Variants in STAG3 observed in about 807,000 individuals in gnomAD.
The protein encoded by STAG3 is STAG3 cohesin complex component, also known as cohesin subunit SA-3.
A neutral mutation model predicts 160.7 loss-of-function variants in STAG3; 101 were observed. That is an observed-to-expected ratio of 0.63 (90% CI 0.54 to 0.74). The LOEUF is 0.74. Ranked by LOEUF, STAG3 falls within the 30% of genes least tolerant of loss-of-function variation. The pLI, the probability that STAG3 is intolerant of heterozygous loss-of-function variation, is 0.00. For synonymous variants in STAG3, 519 were observed against 585.0 expected, an observed-to-expected ratio of 0.89 and a Z score of 1.63; for missense variants, 1,188 against 1,517.4, an observed-to-expected ratio of 0.78 and a Z score of 3.61.
chr7:100,198,655 C>G, intron 13 of STAG3, 73 bp downstream of exon 13: 1 of 1,427,572 alleles, frequency 7.0e-7, no homozygotes. Flanking sequence ...TGCTGCCCTA[C>G]CTAAGGCTTC....
chr7:100,217,365 T>A (rs905771099), downstream of STAG3, among the ~76,000 whole-genome samples: 1 of 152,210 alleles, frequency 6.6e-6, no homozygotes, highest in African/African-American at 2.4e-5. Context: ...CTGGACGAGC[T>A]GAGGCCAGCT....
At chr7:100,204,828 T>C (rs1801484455) in intron 27 of STAG3, 53 bp downstream of exon 27, 1 of 1,605,362 alleles carries the variant, frequency 6.2e-7, no homozygotes. Flanking sequence ...AACGAGGTCT[T>C]GGAGGGAGGT....
downstream of STAG3, among the ~76,000 whole-genome samples, chr7:100,216,562 A>T (rs1802766224): frequency 6.6e-6 from 1 of 152,138 alleles, no homozygotes; most frequent in Non-Finnish European, 1.5e-5. Flanking sequence ...GCACTTTGGG[A>T]GGCCAAGGCG....
In STAG3 at chr7:100,198,921, C is replaced by A; in HGVS notation, c.1431C>A (p.Phe477Leu). 1 of 1,612,248 alleles carries A rather than the reference C, an allele frequency of 6.2e-7. No individual in the cohort carries two copies. The highest frequency in any genetic ancestry group is 8.5e-7 in the Non-Finnish European group (1 of 1,180,020). Residue 477 changes from phenylalanine to leucine, a missense_variant, in exon 14 of 34, where the codon TTC (phenylalanine) becomes TTA (leucine). Transcript: ENST00000615138. ...QRQSPGAQRTFFQLLLSFFVE... is the reference protein window; with the variant it reads ...QRQSPGAQRTLFQLLLSFFVE... ...AGAGCCCAGGCGCCCAGAGGACTTT[C>A]TTCCAGCTTCTGCTGTCCTTCTTTG...
chr7:100,183,528 A>G (rs1306041274), intron 4 of STAG3, among the ~76,000 whole-genome samples: 4 of 152,210 alleles, frequency 2.6e-5, no homozygotes, highest in Admixed American at 2.0e-4. Flanking sequence ...TTGAAGTTCT[A>G]ATACCCGAAA....
chr7:100,191,752 T>C (rs1800357252), intron 8 of STAG3, among the ~76,000 whole-genome samples: 1 of 152,214 alleles, frequency 6.6e-6, no homozygotes, highest in Admixed American at 6.5e-5. Flanking sequence ...AACAGTGAAG[T>C]TTGCTGCATC....
intron 8 of STAG3, among the ~76,000 whole-genome samples, chr7:100,190,638 A>G (rs755600992): frequency 6.6e-6 from 1 of 151,264 alleles, no homozygotes; most frequent in Admixed American, 6.6e-5. Flanking sequence ...CCTCCCCACT[A>G]TTTTCTTCTC....
chr7:100,184,540 T>G (rs1341974350), intron 4 of STAG3, among the ~76,000 whole-genome samples: 3 of 146,344 alleles, frequency 2.0e-5, no homozygotes, highest in African/African-American at 7.6e-5. Context: ...TGATCTTGGC[T>G]CACTGCAACC....
intron 14 of STAG3, 65 bp from the exon 15 acceptor site, chr7:100,199,197 A>G: frequency 8.8e-7 from 1 of 1,140,540 alleles, no homozygotes; most frequent in Non-Finnish European, 1.3e-6. Flanking sequence ...ATATTTAATC[A>G]GTAACCACTT....
rs751177012 is a variant in STAG3 at position 100,197,132 on chromosome 7, G to A, written c.942-24G>A. ...GTTTGGAGAGAGGGTGGCTCTAAGA[G>A]TCAACTTATCTGTCTGTGTCTAGGG... On this transcript the variant is annotated intron_variant, in intron 9 of 33. Transcript: ENST00000615138. The A allele has an allele frequency of 3.6e-5, 58 of 1,595,674 alleles. No individual in the cohort carries two copies. In the South Asian group the frequency reaches 6.0e-4, roughly 16 times the overall value.
At chr7:100,213,621 GCCTGCTGTGCCCATATTT>G in intron 32 of STAG3, 96 bp from the exon 33 acceptor site, 1 of 1,554,364 alleles carries the variant, frequency 6.4e-7, no homozygotes, top group Non-Finnish European at 8.7e-7. Flanking sequence ...TGCCATAGGG[GCCTGCTGTGCCCATATTT>G]GTTCTTATGA....
chr7:100,218,690 T>C (rs1802982849), downstream of STAG3: 1 of 373,652 alleles, frequency 2.7e-6, no homozygotes, highest in Non-Finnish European at 5.2e-6. Context: ...CTGGGGTTTA[T>C]GGGATGAAAG....
intron 32 of STAG3, chr7:100,213,356 G>T: frequency 3.0e-6 from 3 of 985,408 alleles, no homozygotes; most frequent in Non-Finnish European, 3.6e-6. Flanking sequence ...TCTCTTCTCT[G>T]CAGGGAAGGA....
Position 100,189,602 on chromosome 7 carries a change from G to C in STAG3, c.867+6G>C, listed in dbSNP as rs372735751. 1.9e-6 allele frequency: 3 copies of C among 1,606,518 alleles called. No individual in the cohort carries two copies. Among genetic ancestry groups the C allele is most frequent in the Non-Finnish European group, 2.5e-6 (3 of 1,177,806 alleles). ...TGTTGGAGAAACGCAAAGAGGTGAG[G>C]AGTGTTCCCTGCTTCTTCCTTCCCT... On this transcript the variant is annotated splice_donor_region_variant and intron_variant, in intron 8 of 33. Transcript: ENST00000615138.
intron 31 of STAG3, 122 bp from the exon 32 acceptor site, chr7:100,211,673 C>T: frequency 7.1e-7 from 1 of 1,402,940 alleles, no homozygotes. Flanking sequence ...CCTGTCAGCA[C>T]AATCGGGAAA....
chr7:100,186,271 T>G lies in STAG3; in HGVS notation c.408T>G (p.Phe136Leu). ...QDAGFLELVN[F>L]FIQSCGCKGI... ...CAGGATTTCTGGAGCTTGTTAACTT[T>G]TTCATCCAATCTTGCGGATGTAAAG... The change falls in exon 5 of 34, where the codon TTT becomes TTG. Residue 136 changes from phenylalanine (F) to leucine (L), a missense_variant. Around this residue, in one of 4 missense-constraint regions of STAG3, gnomAD observed 296 missense variants for 404.0 expected, o/e 0.73. Transcript: ENST00000615138. 1 of 1,614,164 alleles carries G rather than the reference T, an allele frequency of 6.2e-7. No individual in the cohort carries two copies. The highest frequency in any genetic ancestry group is 8.5e-7 in the Non-Finnish European group (1 of 1,180,014).
intron 2 of STAG3, chr7:100,181,451 T>C (rs561584229): frequency 1.1e-4 from 17 of 152,316 alleles, no homozygotes; most frequent in Admixed American, 2.0e-4. Context: ...TAGATACATA[T>C]TACTCTCCCA....
At chr7:100,200,351 C>T (rs1406965161) in intron 17 of STAG3, 23 bp downstream of exon 17, 2 of 1,613,196 alleles carry the variant, frequency 1.2e-6, no homozygotes, top group African/African-American at 2.7e-5. Context: ...CTCCACTCTG[C>T]ATCACACCAA....
At chr7:100,216,218 G>T (rs1205808299), downstream of STAG3, among the ~76,000 whole-genome samples, 1 of 152,086 alleles carries the variant, frequency 6.6e-6, no homozygotes, top group Non-Finnish European at 1.5e-5. Flanking sequence ...AGTCTGGAGG[G>T]GTTTGTTATG....
Sources: gnomAD v4.1 joint callset for allele counts (sites outside exome capture counted in the v4.1 genomes callset) on GRCh38, gnomAD v4.1.1 for gene constraint, gnomAD v4.1.1 regional missense constraint, MANE v1.5 for transcripts, NCBI Gene and HGNC (gene_info 2026-07-23, HGNC 2026-07-21) for gene names.